ARFGAP1: variants seen among roughly 807,000 people sequenced by gnomAD.
ARFGAP1 encodes the protein ADP-ribosylation factor GTPase-activating protein 1.
A neutral mutation model predicts 54.0 loss-of-function variants in ARFGAP1; 26 were observed. That is an observed-to-expected ratio of 0.48 (90% CI 0.35 to 0.67). ARFGAP1 has a LOEUF of 0.67. Ranked by LOEUF, ARFGAP1 falls within the 30% of genes least tolerant of loss-of-function variation. The pLI, the probability that ARFGAP1 is intolerant of heterozygous loss-of-function variation, is 0.00. For synonymous variants in ARFGAP1, 248 were observed against 211.9 expected (o/e 1.17, Z -1.48); for missense variants, 525 against 535.8 (o/e 0.98, Z 0.20).
At position 63,286,427 on chromosome 20, in the gene ARFGAP1, A is replaced by G. The variant is rs777277659; in HGVS notation, c.896A>G (p.Glu299Gly). The change falls in exon 12 of 13, where the codon GAG becomes GGG. Residue 299 changes from glutamate to glycine, a missense_variant. Physicochemically the swap from Glu to Gly is moderately conservative, Grantham distance 98. This residue lies in a region of ARFGAP1 where 466 missense variants were observed against 453.6 expected (regional missense o/e 1.03). Coordinates refer to ENST00000370283, the MANE Select transcript of ARFGAP1 (RefSeq NM_018209.4). ...DVTTFFSGKA[E>G]GPLDSPSEGH... Reference sequence around the variant, plus strand: ...ACCACCTTTTTTTCGGGGAAAGCAGAGGGCCCCTTGGACAGGTATGCTGTG... The same window carrying G: ...ACCACCTTTTTTTCGGGGAAAGCAGGGGGCCCCTTGGACAGGTATGCTGTG... The G allele has an allele frequency of 3.1e-6, 5 of 1,613,414 alleles. No individual in the cohort carries two copies. Among genetic ancestry groups the G allele is most frequent in the Non-Finnish European group, 2.5e-6 (3 of 1,179,972 alleles).
Position 63,285,685 on chromosome 20 carries a change from C to G in ARFGAP1, c.806C>G (p.Ser269Cys). The part of the protein sequence containing the change: ...VKEGKIFDDV[S>C]SGVSQLASKV... ...GAGGGAAAGATTTTTGATGATGTCT[C>G]CAGTGGGGTCTCTCAGTTGGCGTCC... The change falls in exon 11 of 13, where the codon TCC (serine) becomes TGC (cysteine). Residue 269 changes from serine to cysteine, a missense_variant. By Grantham distance (112) the Ser-to-Cys change is moderately radical (BLOSUM62 -1). Coordinates refer to ENST00000370283, the MANE Select transcript of ARFGAP1 (RefSeq NM_018209.4). The G allele has an allele frequency of 6.2e-7, 1 of 1,613,672 alleles. No homozygotes were observed. Among genetic ancestry groups the G allele is most frequent in the South Asian group, 1.1e-5 (1 of 91,086 alleles).
At position 63,288,263 on chromosome 20, in the gene ARFGAP1, T is replaced by C. The variant is rs1376250993; in HGVS notation, c.*390T>C. 1 of 518,798 alleles carries C rather than the reference T, an allele frequency of 1.9e-6. No individual in the cohort carries two copies. The highest frequency in any genetic ancestry group is 1.9e-5 in the African/African-American group (1 of 52,652). 32.1% of individuals were successfully genotyped at this position (518,798 alleles called of 1,614,324 possible). On this transcript the variant is annotated 3_prime_UTR_variant, in exon 13 of 13. Transcript: ENST00000370283. ...GCCACGTGCCGAGCTGTCAGCGACG[T>C]GAGGTGTCCCTTCTCGTTGAGATAT... is the stretch of plus-strand genomic sequence containing the variant.
chr20:63,273,317 C>G (rs982458698), intron 1 of ARFGAP1: 2 of 152,292 alleles, frequency 1.3e-5, no homozygotes, highest in Non-Finnish European at 2.9e-5. Context: ...GCTTCAACAC[C>G]CTTTTCCCGA....
At chr20:63,283,558 C>T (rs1336681106) in intron 9 of ARFGAP1, 2 of 459,616 alleles carry the variant, frequency 4.4e-6, no homozygotes, top group South Asian at 3.6e-5. Context: ...GCCCATATCA[C>T]CCCTTCCTCT....
Position 63,284,927 on chromosome 20 carries a change from C to T in ARFGAP1, c.774+5C>T, listed in dbSNP as rs79169534. 1.7e-4 allele frequency: 281 copies of T among 1,613,144 alleles called. 1 individual carries two copies. The East Asian group carries it at 4.9e-3, about 28-fold the overall frequency. Reference sequence around the variant, plus strand: ...CTCAAGCCTGCGCAGGAGAAGGTAACGGGCAGCTCCGGGTGGTTGTGCCTG... The same window carrying T: ...CTCAAGCCTGCGCAGGAGAAGGTAATGGGCAGCTCCGGGTGGTTGTGCCTG... On this transcript the variant is annotated splice_donor_5th_base_variant and intron_variant, in intron 10 of 12. Coordinates refer to ENST00000370283, the MANE Select transcript of ARFGAP1 (RefSeq NM_018209.4).
intron 12 of ARFGAP1, among the ~76,000 whole-genome samples, 171 bp downstream of exon 12, chr20:63,286,613 C>G (rs1170034724): frequency 2.6e-5 from 4 of 151,728 alleles, no homozygotes; most frequent in African/African-American, 9.7e-5. Context: ...TGTGGAGCCT[C>G]TCCGGGAGGT....
At chr20:63,284,202 G>C in intron 9 of ARFGAP1, 5 of 1,269,426 alleles carry the variant, frequency 3.9e-6, no homozygotes, top group Non-Finnish European at 4.0e-6. Context: ...GGGGCACTGG[G>C]CGCAGAGCTG....
chr20:63,288,493 C>A lies in ARFGAP1; in HGVS notation c.*620C>A. The A allele has an allele frequency of 2.2e-6, 1 of 456,078 alleles. No homozygotes were observed. The highest frequency in any genetic ancestry group is 4.4e-6 in the Non-Finnish European group (1 of 226,780). 28.3% of individuals were successfully genotyped at this position (456,078 alleles called of 1,614,324 possible). A position where few individuals can be genotyped will look rare whatever the true frequency, so the allele number is the denominator to read the frequency against. ...CCCTGCATCAGCACCGTCCCACCAC[C>A]AAGTTCACCAGGTTCACCAGACACG... On this transcript the variant is annotated 3_prime_UTR_variant, in exon 13 of 13. Coordinates refer to ENST00000370283, the MANE Select transcript of ARFGAP1 (RefSeq NM_018209.4).
At chr20:63,283,615 A>C in intron 9 of ARFGAP1, 1 of 492,960 alleles carries the variant, frequency 2.0e-6, no homozygotes, top group Non-Finnish European at 3.6e-6. Context: ...AGGGACGCCC[A>C]TCTGGCTTTT....
rs978317601 is a variant in ARFGAP1 at position 63,276,279 on chromosome 20, G to T, written c.170+79G>T. The T allele has an allele frequency of 2.6e-6, 4 of 1,526,394 alleles. No homozygotes were observed. In the South Asian group the frequency reaches 3.4e-5, roughly 13 times the overall value. The allele number at this position is 1,526,394 out of a possible 1,614,324, so 94.6% of individuals were successfully genotyped here. A position where few individuals can be genotyped will look rare whatever the true frequency, so the allele number is the denominator to read the frequency against. On this transcript the variant is annotated intron_variant, in intron 3 of 12. Transcript: ENST00000370283. The surrounding 1 kb of genome is among the most constrained non-coding windows in gnomAD (Gnocchi z 5.2). Reference sequence around the variant, plus strand: ...TGTTCCTGACACCAGAGGTGCTGACGCCAGGGAAGCTTGGGGGCCACCTCC... The same window carrying T: ...TGTTCCTGACACCAGAGGTGCTGACTCCAGGGAAGCTTGGGGGCCACCTCC...
At chr20:63,280,791 C>T (rs1443453540) in intron 7 of ARFGAP1, among the ~76,000 whole-genome samples, 1 of 152,222 alleles carries the variant, frequency 6.6e-6, no homozygotes, top group Non-Finnish European at 1.5e-5. Context: ...GGTCCCTTTG[C>T]ACTTCCTTTA....
intron 9 of ARFGAP1, chr20:63,284,502 A>C: frequency 8.9e-7 from 1 of 1,118,244 alleles, no homozygotes; most frequent in Non-Finnish European, 1.1e-6. Context: ...GAGGAAGGAG[A>C]GGCGTTGCAG....
At chr20:63,281,657 A>G (rs971861989) in intron 8 of ARFGAP1, among the ~76,000 whole-genome samples, 1 of 152,130 alleles carries the variant, frequency 6.6e-6, no homozygotes, top group Non-Finnish European at 1.5e-5. Flanking sequence ...CACCCTATCC[A>G]AGCAGGGCAG....
intron 5 of ARFGAP1, 118 bp from the exon 6 acceptor site, chr20:63,277,999 T>C: frequency 1.2e-6 from 1 of 868,454 alleles, no homozygotes; most frequent in Non-Finnish European, 1.9e-6. Context: ...CCTCAGGTGC[T>C]CTCAGGGGTG....
At chr20:63,273,698 G>A (rs1156717534) in intron 1 of ARFGAP1, among the ~76,000 whole-genome samples, 3 of 152,114 alleles carry the variant, frequency 2.0e-5, no homozygotes, top group South Asian at 2.1e-4. Flanking sequence ...AATTCCAGCC[G>A]TCTCCTCATG....
In ARFGAP1 at chr20:63,275,670, A is replaced by C. The variant is rs563535321; in HGVS notation, c.60+30A>C. 93 of 1,568,796 alleles carry C rather than the reference A, an allele frequency of 5.9e-5. No individual in the cohort carries two copies. The African/African-American group carries it at 1.2e-3, about 21-fold the overall frequency. ...GCCTCTGCCCCCCACCCCCCGCCCT[A>C]AGGCTTGGTCAGGGTCAGTGAGTTC... On this transcript the variant is annotated intron_variant, in intron 2 of 12. Coordinates refer to ENST00000370283, the MANE Select transcript of ARFGAP1 (RefSeq NM_018209.4).
In ARFGAP1 at chr20:63,288,079, GCC is replaced by G; in HGVS notation, c.*207_*208del. 1.6e-6 allele frequency: 1 copy of G among 641,588 alleles called. No individual in the cohort carries two copies. The highest frequency in any genetic ancestry group is 2.7e-6 in the Non-Finnish European group (1 of 374,088). The allele number at this position is 641,588 out of a possible 1,614,324, so 39.7% of individuals were successfully genotyped here. On this transcript the variant is annotated 3_prime_UTR_variant, in exon 13 of 13. Transcript: ENST00000370283. Reference sequence around the variant, plus strand: ...GTGCGTGGGGGCGGCTTGCTGTCCAGCCTGTGTGGGGGCCGTCCCGTCCCACA... The same window carrying G: ...GTGCGTGGGGGCGGCTTGCTGTCCAGTGTGTGGGGGCCGTCCCGTCCCACA...
rs781032986 is a variant in ARFGAP1, at chr20:63,275,618, T to C, written c.38T>C (p.Val13Ala). ...SPRTRKVLKE[V>A]RVQDENNVCF... ...AGAACCAGGAAGGTTCTTAAAGAAGTCAGGGTGCAGGATGAGAACAACGTA... is the reference window on the plus strand; with the variant it reads ...AGAACCAGGAAGGTTCTTAAAGAAGCCAGGGTGCAGGATGAGAACAACGTA... The change falls in exon 2 of 13, where the codon GTC becomes GCC. Residue 13 changes from valine (V) to alanine (A), a missense_variant. Coordinates refer to ENST00000370283, the MANE Select transcript of ARFGAP1 (RefSeq NM_018209.4). 2 of 1,613,770 alleles carry C rather than the reference T, an allele frequency of 1.2e-6. No homozygotes were observed. The highest frequency in any genetic ancestry group is 2.2e-5 in the South Asian group (2 of 91,092).
At chr20:63,285,572 A>AC (rs769912899) in intron 10 of ARFGAP1, 82 bp from the exon 11 acceptor site, 7 of 1,460,072 alleles carry the variant, frequency 4.8e-6, no homozygotes, top group Non-Finnish European at 6.7e-6. Flanking sequence ...GGATGCCCTC[A>AC]CCCGGGGGAT....
Sources: allele counts gnomAD v4.1 joint callset (sites outside exome capture counted in the v4.1 genomes callset), GRCh38; gene constraint gnomAD v4.1.1; regional missense constraint gnomAD v4.1.1; non-coding constraint Gnocchi (gnomAD v3.1); transcripts MANE v1.5; gene names NCBI Gene and HGNC (gene_info 2026-07-23, HGNC 2026-07-21).